TEX11: variants seen among roughly 807,000 people sequenced by gnomAD.
TEX11 encodes the protein testis-expressed protein 11.
A neutral mutation model predicts 84.4 loss-of-function variants in TEX11; 7 were observed. The observed-to-expected ratio is 0.08, with a 90% CI of 0.05 to 0.16. The LOEUF (loss-of-function observed/expected upper bound fraction) is 0.16, where lower values mean the gene tolerates loss of function less well. Ranked by LOEUF, TEX11 falls within the 10% of genes least tolerant of loss-of-function variation. The probability of loss-of-function intolerance (pLI) is 1.00; values close to 1 mark genes in which losing one functional copy is unlikely to be tolerated. For synonymous variants in TEX11, 264 were observed against 222.8 expected (o/e 1.18, Z -1.64); for missense variants, 551 against 660.5 (o/e 0.83, Z 1.82).
intron 17 of TEX11, among the ~76,000 whole-genome samples, chrX:70,641,970 G>C (rs1223268906): frequency 9.0e-6 from 1 of 110,796 alleles, no homozygotes. Flanking sequence ...AAATATTAAT[G>C]AATCCAGGAG....
At chrX:70,801,610 C>T (rs2091187688) in intron 9 of TEX11, among the ~76,000 whole-genome samples, 1 of 109,228 alleles carries the variant, frequency 9.2e-6, no homozygotes, top group Non-Finnish European at 1.9e-5. Flanking sequence ...TCTTTCTTTT[C>T]CTTCTTTTCT....
chrX:70,658,481 G>A (rs2089895329), intron 16 of TEX11, among the ~76,000 whole-genome samples: 1 of 111,626 alleles, frequency 9.0e-6, no homozygotes, highest in Admixed American at 9.5e-5. Context: ...AAATGAGGTG[G>A]TAGAGCTAAG....
intron 4 of TEX11, among the ~76,000 whole-genome samples, chrX:70,871,495 T>TA (rs1264116860): frequency 8.9e-6 from 1 of 112,435 alleles, no homozygotes; most frequent in Non-Finnish European, 1.9e-5. Flanking sequence ...TTATAGCTTA[T>TA]AAATCTTCAT....
At chrX:70,622,725 C>T (rs2089409246) in intron 20 of TEX11, among the ~76,000 whole-genome samples, 1 of 111,323 alleles carries the variant, frequency 9.0e-6, no homozygotes, top group Non-Finnish European at 1.9e-5. Context: ...CATAATGAAT[C>T]CTCATGTACC....
At chrX:70,831,402 G>A (rs1420193335) in intron 8 of TEX11, among the ~76,000 whole-genome samples, 1 of 111,181 alleles carries the variant, frequency 9.0e-6, no homozygotes, top group Non-Finnish European at 1.9e-5. Flanking sequence ...TGGGGCAAGA[G>A]GACTGCCTGA....
chrX:70,831,380 A>C (rs938554702), intron 8 of TEX11, among the ~76,000 whole-genome samples: 3 of 111,427 alleles, frequency 2.7e-5, no homozygotes, highest in Non-Finnish European at 3.8e-5. Flanking sequence ...TAATCCCAGT[A>C]CTTTGGGTGG....
intron 28 of TEX11, among the ~76,000 whole-genome samples, chrX:70,537,194 A>T (rs1235118955): frequency 8.9e-6 from 1 of 111,937 alleles, no homozygotes; most frequent in African/African-American, 3.2e-5. Flanking sequence ...AACTGAAATG[A>T]TATGATGAGA....
chrX:70,694,332 C>A (rs139240663), intron 13 of TEX11, among the ~76,000 whole-genome samples: 1 of 111,314 alleles, frequency 9.0e-6, no homozygotes, highest in Non-Finnish European at 1.9e-5. Context: ...CGTGAGCCAC[C>A]GTGCCTGGCC....
At chrX:70,652,538 G>A (rs1016243561) in intron 16 of TEX11, among the ~76,000 whole-genome samples, 3 of 111,704 alleles carry the variant, frequency 2.7e-5, no homozygotes, top group African/African-American at 9.7e-5. Context: ...ATACACAGTG[G>A]TACAAATTAA....
At chrX:70,579,553 G>C (rs1380843016) in intron 25 of TEX11, among the ~76,000 whole-genome samples, 3 of 107,875 alleles carry the variant, frequency 2.8e-5, no homozygotes, top group African/African-American at 1.0e-4. Flanking sequence ...AAACTGAAGA[G>C]ACAATCCACA....
At position 70,770,727 on chromosome X, in the gene TEX11, T is replaced by TA. The variant is rs756815920; in HGVS notation, c.693-26509dup. On this transcript the variant is annotated intron_variant, in intron 9 of 29. Transcript: ENST00000374333. ...GTTATGTACAAATACAAATTTAAAA[T>TA]AAAAAAAAAGAAATTACGTAATCTA... 1.2e-3 allele frequency among the ~76,000 whole-genome samples: 130 copies of TA among 109,851 alleles called. 1 individual carries two copies. The highest frequency in any genetic ancestry group is 1.5e-3 in the Non-Finnish European group (81 of 52,449).
chrX:70,635,392 G>T (rs1279749900), intron 17 of TEX11, among the ~76,000 whole-genome samples: 1 of 112,063 alleles, frequency 8.9e-6, no homozygotes, highest in South Asian at 3.8e-4. Flanking sequence ...GCAGACCCAG[G>T]CTCCAGACCT....
chrX:70,588,257 G>A (rs373519095), intron 25 of TEX11, among the ~76,000 whole-genome samples: 4 of 111,534 alleles, frequency 3.6e-5, no homozygotes, highest in African/African-American at 9.8e-5. Flanking sequence ...AGGGTCCGGG[G>A]TGGAACCATA....
chrX:70,521,720 T>A, the TEX11 span, among the ~76,000 whole-genome samples: 1 of 112,222 alleles, frequency 8.9e-6, no homozygotes, highest in Non-Finnish European at 1.9e-5. Flanking sequence ...TGGAACCATA[T>A]GATGTCAGTT....
intron 13 of TEX11, among the ~76,000 whole-genome samples, chrX:70,702,535 T>C (rs2090334917): frequency 8.9e-6 from 1 of 112,120 alleles, no homozygotes; most frequent in Non-Finnish European, 1.9e-5. Flanking sequence ...TATTGCAGTG[T>C]TCTGGAACCA....
intron 9 of TEX11, among the ~76,000 whole-genome samples, chrX:70,781,091 C>A (rs60500370): frequency 0.072 from 7,987 of 111,352 alleles, 596 homozygotes; most frequent in African/African-American, 0.22. Context: ...AGATGCCCCT[C>A]TGGGATGAAG....
intron 3 of TEX11, among the ~76,000 whole-genome samples, chrX:70,877,201 C>T (rs916532288): frequency 9.1e-6 from 1 of 109,368 alleles, no homozygotes; most frequent in Non-Finnish European, 1.9e-5. Context: ...GGCTGAGGCA[C>T]GAGAACTGCT....
Position 70,722,373 on chromosome X carries a change from G to A in TEX11, c.1004+245C>T, listed in dbSNP as rs1356413936. Among the ~76,000 whole-genome samples the A allele has an allele frequency of 7.1e-5, 8 of 112,125 alleles. No homozygotes were observed. The Admixed American group carries it at 7.6e-4, about 11-fold the overall frequency. ...TGTAACCTTGAACTGCTGGGCTCAA[G>A]TGATCCTCCCGCCTCAGCCTCCCGA... On this transcript the variant is annotated intron_variant, in intron 13 of 29. Coordinates refer to ENST00000374333, the MANE Select transcript of TEX11 (RefSeq NM_031276.3).
chrX:70,873,209 AT>A lies in TEX11; in HGVS notation c.244+13del, dbSNP rs748750260. The A allele has an allele frequency of 9.7e-7, 1 of 1,026,907 alleles. No individual in the cohort carries two copies. The highest frequency in any genetic ancestry group is 1.9e-5 in the South Asian group (1 of 52,396). The allele number at this position is 1,026,907 out of a possible 1,213,427, so 84.6% of individuals were successfully genotyped here. ...AACACGCCTCATAATACATGTCACA[AT>A]ATGTATACATACATCTAATTTTCTG... is the stretch of plus-strand genomic sequence containing the variant. On this transcript the variant is annotated intron_variant, in intron 4 of 29. Coordinates refer to ENST00000374333, the MANE Select transcript of TEX11 (RefSeq NM_031276.3).
Sources: allele counts gnomAD v4.1 joint callset (sites outside exome capture counted in the v4.1 genomes callset), GRCh38; gene constraint gnomAD v4.1.1; transcripts MANE v1.5; gene names NCBI Gene and HGNC (gene_info 2026-07-23, HGNC 2026-07-21).